Variants in CACNA1D observed in about 807,000 individuals in gnomAD.
The protein encoded by CACNA1D is calcium voltage-gated channel subunit alpha1 D.
A neutral mutation model predicts 257.1 loss-of-function variants in CACNA1D; 55 were observed. The ratio of observed to expected loss-of-function variants is 0.21; its 90% CI spans 0.17 to 0.27. The LOEUF is 0.27. CACNA1D is among the 10% of genes least tolerant of loss of function. The pLI, the probability that CACNA1D is intolerant of heterozygous loss-of-function variation, is 1.00. For missense variants in CACNA1D, 1,876 were observed against 2,784.0 expected, an observed-to-expected ratio of 0.67 and a Z score of 7.34; for synonymous variants, 980 against 1,014.9, an observed-to-expected ratio of 0.97 and a Z score of 0.65.
intron 3 of CACNA1D, among the ~76,000 whole-genome samples, chr3:53,627,515 A>G (rs2093772999): frequency 6.7e-6 from 1 of 150,138 alleles, no homozygotes; most frequent in South Asian, 2.1e-4. Flanking sequence ...AGATCTAGGA[A>G]GGGGACCTCC....
chr3:53,720,701 C>T (rs1275867523), intron 11 of CACNA1D, among the ~76,000 whole-genome samples: 1 of 152,194 alleles, frequency 6.6e-6, no homozygotes, highest in African/African-American at 2.4e-5. Context: ...TTAGATACCA[C>T]TACACATCTA....
At chr3:53,659,783 G>A (rs1338460400) in intron 4 of CACNA1D, among the ~76,000 whole-genome samples, 1 of 152,246 alleles carries the variant, frequency 6.6e-6, no homozygotes, top group Admixed American at 6.5e-5. Context: ...TTAGCACATA[G>A]CAAGTGCTCA....
chr3:53,779,882 A>G, intron 37 of CACNA1D, 144 bp from the exon 38 acceptor site: 2 of 706,368 alleles, frequency 2.8e-6, no homozygotes, highest in Non-Finnish European at 5.2e-6. Flanking sequence ...TAACCATCAT[A>G]TGCGTACCCC....
intron 3 of CACNA1D, among the ~76,000 whole-genome samples, chr3:53,522,643 G>A (rs925833395): frequency 2.0e-5 from 3 of 152,132 alleles, no homozygotes; most frequent in South Asian, 2.1e-4. Context: ...ATTTTTTATC[G>A]AAAATTTTAT....
chr3:53,775,491 C>T (rs564730448), intron 34 of CACNA1D, among the ~76,000 whole-genome samples: 11 of 152,016 alleles, frequency 7.2e-5, no homozygotes, highest in Non-Finnish European at 1.6e-4. Flanking sequence ...CCCAGGAGGT[C>T]GAGGCTGCAG....
chr3:53,718,570 TCCCC>T, intron 10 of CACNA1D, 182 bp downstream of exon 10: 2 of 717,964 alleles, frequency 2.8e-6, no homozygotes, highest in Non-Finnish European at 4.9e-6. Flanking sequence ...CCTGCACACC[TCCCC>T]ACCCCCCGCC....
chr3:53,514,226 A>G (rs1363999858), intron 3 of CACNA1D, among the ~76,000 whole-genome samples: 3 of 151,992 alleles, frequency 2.0e-5, no homozygotes, highest in Admixed American at 6.6e-5. Context: ...TCACACCCGG[A>G]CTTCTGACTC....
chr3:53,759,867 C>G lies in CACNA1D; in HGVS notation c.3787-2131C>G, dbSNP rs537135489. On this transcript the variant is annotated intron_variant, in intron 29 of 47. Transcript: ENST00000350061. ...CTTGATCTCACCTCTGACTGCTAGTCTAGACCTCAAAGGCAGCCCATCTCT... is the reference window on the plus strand; with the variant it reads ...CTTGATCTCACCTCTGACTGCTAGTGTAGACCTCAAAGGCAGCCCATCTCT... Among the ~76,000 whole-genome samples, 11 of 152,368 alleles carry G rather than the reference C, an allele frequency of 7.2e-5. 1 individual carries two copies. The East Asian group carries it at 2.1e-3, about 29-fold the overall frequency.
At chr3:53,759,265 G>A (rs1559637075) in intron 29 of CACNA1D, among the ~76,000 whole-genome samples, 1 of 152,218 alleles carries the variant, frequency 6.6e-6, no homozygotes, top group African/African-American at 2.4e-5. Flanking sequence ...CAGTGCACCA[G>A]CATTGAGAAT....
intron 3 of CACNA1D, among the ~76,000 whole-genome samples, chr3:53,584,278 A>T (rs987898425): frequency 2.6e-5 from 4 of 152,360 alleles, no homozygotes; most frequent in Non-Finnish European, 5.9e-5. Flanking sequence ...CTTTCTGAAC[A>T]GGAGGCAGTG....
rs116232574 is a variant in CACNA1D, at chr3:53,525,646, A to G, written c.483+23926A>G. Among the ~76,000 whole-genome samples, 949 of 152,310 alleles carry G rather than the reference A, an allele frequency of 6.2e-3. 12 individuals are homozygous for G. The highest frequency in any genetic ancestry group is 0.022 in the African/African-American group (905 of 41,560). On this transcript the variant is annotated intron_variant, in intron 3 of 47. Coordinates refer to ENST00000350061, the MANE Select transcript of CACNA1D (RefSeq NM_001128840.3). ...TTTGCAAAGTCTGAAGGTGACCTAT[A>G]TAATTCCCATATATTTGGAGCTCTC...
intron 5 of CACNA1D, 128 bp from the exon 6 acceptor site, chr3:53,665,532 C>A: frequency 1.3e-6 from 1 of 765,470 alleles, no homozygotes; most frequent in Non-Finnish European, 2.2e-6. Flanking sequence ...TAATGAAAAG[C>A]TTTGAAATAC....
rs1353986638 is a variant in CACNA1D at position 53,774,997 on chromosome 3, A to G, written c.4202+319A>G. On this transcript the variant is annotated intron_variant, in intron 34 of 47. Transcript: ENST00000350061. This position sits in a 1 kb window ranked among gnomAD's most constrained non-coding sequence, Gnocchi z 4.3. ...TTTATGCATGGAGGCATGCACTTGA[A>G]CACGACCAGGAAGACAGAAACTTAG... 6.6e-6 allele frequency among the ~76,000 whole-genome samples: 1 copy of G among 152,202 alleles called. No homozygotes were observed. Among genetic ancestry groups the G allele is most frequent in the Non-Finnish European group, 1.5e-5 (1 of 68,028 alleles).
chr3:53,720,611 C>T (rs931514446), intron 11 of CACNA1D, among the ~76,000 whole-genome samples: 1 of 152,174 alleles, frequency 6.6e-6, no homozygotes, highest in African/African-American at 2.4e-5. Context: ...ATAGGCATTT[C>T]ACCAGAGAAG....
intron 3 of CACNA1D, among the ~76,000 whole-genome samples, chr3:53,600,909 A>G (rs780260912): frequency 5.3e-5 from 8 of 152,176 alleles, no homozygotes; most frequent in Non-Finnish European, 1.0e-4. Context: ...ATTCCCGTAC[A>G]TGTCCTCTGT....
At chr3:53,547,606 C>T (rs544496534) in intron 3 of CACNA1D, among the ~76,000 whole-genome samples, 44 of 152,152 alleles carry the variant, frequency 2.9e-4, no homozygotes, top group African/African-American at 8.2e-4. Flanking sequence ...AGATGATGGA[C>T]GTTGCATTTG....
intron 3 of CACNA1D, among the ~76,000 whole-genome samples, chr3:53,645,440 C>T (rs1167239371): frequency 6.6e-6 from 1 of 152,118 alleles, no homozygotes; most frequent in African/African-American, 2.4e-5. Flanking sequence ...AGTACTTTCA[C>T]TGTTTTAGGT....
chr3:53,702,855 C>T lies in CACNA1D; in HGVS notation c.1390+45C>T, dbSNP rs759787806. On this transcript the variant is annotated intron_variant, in intron 9 of 47. Transcript: ENST00000350061. Reference sequence around the variant, plus strand: ...CCCCTGGCTAGACAGACCCAGTGTGCGGTTCAGACGCCTAGCAGTAGGCCT... The same window carrying T: ...CCCCTGGCTAGACAGACCCAGTGTGTGGTTCAGACGCCTAGCAGTAGGCCT... 61 of 1,605,436 alleles carry T rather than the reference C, an allele frequency of 3.8e-5. 1 individual carries two copies. The Middle Eastern group carries it at 7.2e-4, about 19-fold the overall frequency.
Position 53,513,191 on chromosome 3 carries a change from A to G in CACNA1D, c.483+11471A>G, listed in dbSNP as rs1338815894. ...CATTGCTGAGCTAGGTGGGCTTTCT[A>G]TATAGGGTCCTGTGCTGAATAACAG... On this transcript the variant is annotated intron_variant, in intron 3 of 47. Transcript: ENST00000350061. Among the ~76,000 whole-genome samples the G allele has an allele frequency of 4.6e-5, 7 of 152,330 alleles. No individual in the cohort carries two copies. The East Asian group carries it at 1.3e-3, about 29-fold the overall frequency.
Sources: allele counts gnomAD v4.1 joint callset (sites outside exome capture counted in the v4.1 genomes callset), GRCh38; gene constraint gnomAD v4.1.1; non-coding constraint Gnocchi (gnomAD v3.1); transcripts MANE v1.5; gene names NCBI Gene and HGNC (gene_info 2026-07-23, HGNC 2026-07-21).